Variants in NFIB observed in about 807,000 individuals in gnomAD.
The protein encoded by NFIB is nuclear factor I B.
NFIB carries 11 observed loss-of-function variants against 61.5 expected under a neutral mutation model. That is an observed-to-expected ratio of 0.18 (90% CI 0.11 to 0.30). NFIB has a LOEUF of 0.30. Ranked by LOEUF, NFIB falls within the 10% of genes least tolerant of loss-of-function variation. NFIB has a pLI of 1.00. For synonymous variants in NFIB, 260 were observed against 216.5 expected, an observed-to-expected ratio of 1.20 and a Z score of -1.76; for missense variants, 471 against 608.9, an observed-to-expected ratio of 0.77 and a Z score of 2.38.
At chr9:14,446,570 G>T in the NFIB span, among the ~76,000 whole-genome samples, 1 of 151,720 alleles carries the variant, frequency 6.6e-6, no homozygotes, top group African/African-American at 2.4e-5. Context: ...ATCTACTTTT[G>T]GTTTGTAGCA....
intron 2 of NFIB, among the ~76,000 whole-genome samples, chr9:14,247,524 C>T (rs947935740): frequency 2.0e-5 from 3 of 152,234 alleles, no homozygotes; most frequent in Non-Finnish European, 4.4e-5. Flanking sequence ...CTCTGCACTG[C>T]TCCAGGTCAG....
chr9:14,281,470 T>C lies in NFIB; in HGVS notation c.562+25519A>G, dbSNP rs1047346714. On this transcript the variant is annotated intron_variant, in intron 2 of 10. Coordinates refer to ENST00000380953, the MANE Select transcript of NFIB (RefSeq NM_001190737.2). ...GAAAACAAAATTTAAGTAACAATTA[T>C]TGTAAAACCAAAAGAATGTAGAGAA... is the stretch of plus-strand genomic sequence containing the variant. Among the ~76,000 whole-genome samples, 3 of 152,208 alleles carry C rather than the reference T, an allele frequency of 2.0e-5. No homozygotes were observed. The East Asian group carries it at 5.8e-4, about 29-fold the overall frequency.
At chr9:14,424,339 G>A in the NFIB span, among the ~76,000 whole-genome samples, 20 of 152,244 alleles carry the variant, frequency 1.3e-4, no homozygotes, top group African/African-American at 4.8e-4. Context: ...GTTTCTAGGA[G>A]ATGTGAAAAA....
chr9:14,089,197 T>C (rs1482141668), intron 10 of NFIB, among the ~76,000 whole-genome samples: 1 of 152,048 alleles, frequency 6.6e-6, no homozygotes, highest in Non-Finnish European at 1.5e-5. Flanking sequence ...GAGCATTTCC[T>C]GCTCCTCCCC....
the NFIB span, among the ~76,000 whole-genome samples, chr9:14,459,732 G>C: frequency 5.3e-5 from 8 of 152,144 alleles, no homozygotes; most frequent in Non-Finnish European, 1.5e-5. Context: ...CTTCTCAAAA[G>C]AAGACATTTA....
At chr9:14,229,201 A>G (rs2052814231) in intron 2 of NFIB, among the ~76,000 whole-genome samples, 1 of 152,206 alleles carries the variant, frequency 6.6e-6, no homozygotes, top group Non-Finnish European at 1.5e-5. Context: ...GCTCATCGGT[A>G]AGTTAATGGT....
intron 2 of NFIB, chr9:14,300,139 C>G: frequency 2.5e-6 from 1 of 398,452 alleles, no homozygotes; most frequent in Admixed American, 4.4e-5. Context: ...CATCACAAAA[C>G]TGGAGTTCAA....
At chr9:14,131,581 T>C (rs2040414660) in intron 6 of NFIB, among the ~76,000 whole-genome samples, 1 of 152,190 alleles carries the variant, frequency 6.6e-6, no homozygotes, top group Non-Finnish European at 1.5e-5. Flanking sequence ...GATGTATATC[T>C]GTTCAAGTCA....
At chr9:14,349,918 G>A (rs1442941359) in intron 1 of NFIB, among the ~76,000 whole-genome samples, 5 of 152,026 alleles carry the variant, frequency 3.3e-5, no homozygotes, top group Admixed American at 2.6e-4. Flanking sequence ...CCCCATTACC[G>A]GTCCACAGTG....
rs1401628809 is a variant in NFIB at position 14,262,477 on chromosome 9, C to G, written c.562+44512G>C. The stretch of plus-strand genomic sequence containing the variant: ...ATGTAATGTATCATTTTTGACTGAT[C>G]CAAATTATGGAATGAACTCCCCACA... On this transcript the variant is annotated intron_variant, in intron 2 of 10. Coordinates refer to ENST00000380953, the MANE Select transcript of NFIB (RefSeq NM_001190737.2). 3.9e-5 allele frequency among the ~76,000 whole-genome samples: 6 copies of G among 152,022 alleles called. No homozygotes were observed. In the East Asian group the frequency reaches 1.2e-3, roughly 29 times the overall value.
At chr9:14,114,312 A>G (rs1407141321) in intron 9 of NFIB, among the ~76,000 whole-genome samples, 1 of 152,126 alleles carries the variant, frequency 6.6e-6, no homozygotes, top group Non-Finnish European at 1.5e-5. Flanking sequence ...AATTCACCAC[A>G]CCTCACAGAC....
At chr9:14,379,814 C>CT (rs2061463885) in intron 1 of NFIB, among the ~76,000 whole-genome samples, 1 of 152,224 alleles carries the variant, frequency 6.6e-6, no homozygotes, top group African/African-American at 2.4e-5. Context: ...TCCCGAGTAG[C>CT]TGGAATTACA....
rs191313421 is a variant in NFIB at position 14,123,331 on chromosome 9, T to C, written c.1060+2301A>G. On this transcript the variant is annotated intron_variant, in intron 7 of 10. Coordinates refer to ENST00000380953, the MANE Select transcript of NFIB (RefSeq NM_001190737.2). ...AAAGTTTTCCTTTATTATGAAAGAA[T>C]ACATACACATGTATGTGTATTTCTT... 8.1e-4 allele frequency among the ~76,000 whole-genome samples: 124 copies of C among 152,204 alleles called. No homozygotes were observed. In the Middle Eastern group the frequency reaches 0.017, roughly 21 times the overall value.
At chr9:14,123,652 A>G (rs116805587) in intron 7 of NFIB, among the ~76,000 whole-genome samples, 244 of 152,322 alleles carry the variant, frequency 1.6e-3, no homozygotes, top group African/African-American at 5.7e-3. Flanking sequence ...GCCTGCTGCA[A>G]TGGCCTCTAA....
chr9:14,486,136 A>G, the NFIB span, among the ~76,000 whole-genome samples: 100 of 152,334 alleles, frequency 6.6e-4, no homozygotes, highest in Non-Finnish European at 1.3e-3. Context: ...CTCTTGGTCA[A>G]GCGTGTATGT....
intron 10 of NFIB, among the ~76,000 whole-genome samples, chr9:14,093,116 C>G (rs1323044075): frequency 2.0e-5 from 3 of 151,900 alleles, no homozygotes; most frequent in Non-Finnish European, 4.4e-5. Flanking sequence ...TTACATTGAG[C>G]CAGAAACCAA....
chr9:14,182,588 C>G (rs193046748), intron 2 of NFIB, among the ~76,000 whole-genome samples: 82 of 152,154 alleles, frequency 5.4e-4, no homozygotes, highest in Admixed American at 1.8e-3. Flanking sequence ...ATTCAGACCA[C>G]ATCTAAACCC....
the NFIB span, among the ~76,000 whole-genome samples, chr9:14,472,087 G>C: frequency 6.6e-6 from 1 of 152,196 alleles, no homozygotes; most frequent in African/African-American, 2.4e-5. Flanking sequence ...AGATCGCGCA[G>C]AACAATTTGT....
intron 3 of NFIB, among the ~76,000 whole-genome samples, chr9:14,170,748 A>G (rs1281413247): frequency 1.3e-5 from 2 of 152,178 alleles, no homozygotes; most frequent in African/African-American, 2.4e-5. Context: ...TATGACTCAG[A>G]CGTCTTTTCA....
Sources: allele counts gnomAD v4.1 joint callset (sites outside exome capture counted in the v4.1 genomes callset), GRCh38; gene constraint gnomAD v4.1.1; transcripts MANE v1.5; gene names NCBI Gene and HGNC (gene_info 2026-07-23, HGNC 2026-07-21).